Variants in TTC21A observed in about 807,000 individuals in gnomAD.
The protein encoded by TTC21A is tetratricopeptide repeat protein 21A.
Under a neutral mutation model 156.4 loss-of-function variants are expected in TTC21A, and 128 were observed. The ratio of observed to expected loss-of-function variants is 0.82; its 90% CI spans 0.71 to 0.95. The LOEUF is 0.95. TTC21A is among the 40% of genes least tolerant of loss of function. The pLI, the probability that TTC21A is intolerant of heterozygous loss-of-function variation, is 0.00. For synonymous variants in TTC21A, 587 were observed against 617.1 expected (o/e 0.95, Z 0.72); for missense variants, 1,435 against 1,602.3 (o/e 0.90, Z 1.78).
rs944478036 is a variant in TTC21A, at chr3:39,134,097, A to G, written c.2752-121A>G. On this transcript the variant is annotated intron_variant, in intron 20 of 28. Transcript: ENST00000683103. This position sits in a 1 kb window ranked among gnomAD's most constrained non-coding sequence, Gnocchi z 4.6. ...CCAGGACGTTCACGTGGGGAATTCG[A>G]GACATATTTTGAAGGCAGAGCTGAT... is the stretch of plus-strand genomic sequence containing the variant. 1.2e-5 allele frequency: 9 copies of G among 721,778 alleles called. No homozygotes were observed. In the African/African-American group the frequency reaches 1.4e-4, roughly 11 times the overall value. 44.7% of individuals were successfully genotyped at this position (721,778 alleles called of 1,614,324 possible).
rs979342846 is a variant in TTC21A at position 39,119,655 on chromosome 3, A to G, written c.802-267A>G. ...TCAAAAAAAAAAAAGAAAAAAAAGA[A>G]AAAAAAAAAACAAATTCAAGAACAG... On this transcript the variant is annotated intron_variant, in intron 7 of 28. Coordinates refer to ENST00000683103, the MANE Select transcript of TTC21A (RefSeq NM_001366900.1). The G allele has an allele frequency of 1.7e-4, 47 of 282,552 alleles. No homozygotes were observed. In the East Asian group the frequency reaches 1.9e-3, roughly 12 times the overall value. 17.5% of individuals were successfully genotyped at this position (282,552 alleles called of 1,614,324 possible).
Position 39,138,496 on chromosome 3 carries a change from A to G in TTC21A, c.3797-60A>G, listed in dbSNP as rs530133752. The stretch of plus-strand genomic sequence containing the variant: ...GGCCTGTACCCTGGCTGTTATGAGA[A>G]CCAGAGGGGTTCTCAGGTCACCAGG... On this transcript the variant is annotated intron_variant, in intron 27 of 28. Transcript: ENST00000683103. 3.8e-5 allele frequency: 61 copies of G among 1,613,644 alleles called. 1 individual carries two copies. Among genetic ancestry groups the G allele is most frequent in the Non-Finnish European group, 5.2e-5 (61 of 1,179,698 alleles).
In TTC21A at chr3:39,130,646, CG is replaced by C; in HGVS notation, c.2320-52del. 6.3e-7 allele frequency: 1 copy of C among 1,599,360 alleles called. No homozygotes were observed. Among genetic ancestry groups the C allele is most frequent in the East Asian group, 2.2e-5 (1 of 44,700 alleles). On this transcript the variant is annotated intron_variant, in intron 17 of 28. Coordinates refer to ENST00000683103, the MANE Select transcript of TTC21A (RefSeq NM_001366900.1). The surrounding 1 kb of genome is among the most constrained non-coding windows in gnomAD (Gnocchi z 4.5). ...ATGGCTGCTGAGGGGAACATGGTGT[CG>C]GGCACTGAAGGGCAGAACCAGGCCA...
chr3:39,109,968 A>C, intron 2 of TTC21A, 61 bp from the exon 3 acceptor site: 9 of 1,259,902 alleles, frequency 7.1e-6, no homozygotes, highest in Non-Finnish European at 1.0e-5. Context: ...GGTCAGCTAC[A>C]GAGTCTCATG....
At chr3:39,135,929 C>T (rs2125865708) in intron 22 of TTC21A, among the ~76,000 whole-genome samples, 1 of 152,026 alleles carries the variant, frequency 6.6e-6, no homozygotes, top group South Asian at 2.1e-4. Context: ...GTGGCGGGTG[C>T]CTGTAGTCCC....
At chr3:39,133,974 G>A (rs2038923611) in intron 20 of TTC21A, among the ~76,000 whole-genome samples, 1 of 152,236 alleles carries the variant, frequency 6.6e-6, no homozygotes, top group African/African-American at 2.4e-5. Context: ...GAGGCCAGAG[G>A]TGAAGCTGAA....
At position 39,107,851 on chromosome 3, in the gene TTC21A, AC is replaced by A; in HGVS notation, c.15del (p.Ser6ProfsTer36). The A allele has an allele frequency of 1.2e-6, 2 of 1,610,934 alleles. No homozygotes were observed. Among genetic ancestry groups the A allele is most frequent in the Non-Finnish European group, 1.7e-6 (2 of 1,179,390 alleles). ...GAGCGGCCCGAGATGAGCAGCAATG[AC>A]TCCTCCCTTATGGTGCGTGGCCCGG... MSSN[D>X]SSLMAGIIYY... On this transcript the variant is annotated frameshift_variant, in exon 1 of 29. Transcript: ENST00000683103. LOFTEE classifies it high-confidence loss of function.
Position 39,138,861 on chromosome 3 carries a change from C to T in TTC21A, c.*73C>T. 7.7e-7 allele frequency: 1 copy of T among 1,301,692 alleles called. No homozygotes were observed. Among genetic ancestry groups the T allele is most frequent in the Non-Finnish European group, 1.1e-6 (1 of 913,096 alleles). The allele number at this position is 1,301,692 out of a possible 1,614,324, so 80.6% of individuals were successfully genotyped here. A position where few individuals can be genotyped will look rare whatever the true frequency, so the allele number is the denominator to read the frequency against. ...TTGTGTGGAGGGATGGAAAGTGGGT[C>T]AGTGGAGAAGGGATTCAGAAAATGA... On this transcript the variant is annotated 3_prime_UTR_variant, in exon 29 of 29. Transcript: ENST00000683103.
At position 39,107,855 on chromosome 3, in the gene TTC21A, C is replaced by T; in HGVS notation, c.18C>T (p.Ser6=). ...GGCCCGAGATGAGCAGCAATGACTC[C>T]TCCCTTATGGTGCGTGGCCCGGGCG... MSSND[S]SLMAGIIYYS... The change falls in exon 1 of 29, where the codon TCC becomes TCT. Residue 6 remains serine, a synonymous_variant. Transcript: ENST00000683103. The T allele has an allele frequency of 2.5e-6, 4 of 1,613,104 alleles. No homozygotes were observed. Among genetic ancestry groups the T allele is most frequent in the Non-Finnish European group, 3.4e-6 (4 of 1,180,010 alleles).
intron 7 of TTC21A, chr3:39,118,592 CT>C (rs552237345): frequency 5.8e-5 from 10 of 171,504 alleles, no homozygotes; most frequent in East Asian, 1.5e-4. Context: ...CAGGAAATGC[CT>C]TTTTTTTAGG....
At chr3:39,132,833 T>G (rs931215869) in intron 19 of TTC21A, 2 of 594,158 alleles carry the variant, frequency 3.4e-6, no homozygotes, top group Non-Finnish European at 3.0e-6. Context: ...CGTGTTTTGT[T>G]TGAGTCCTTT....
chr3:39,124,642 G>A (rs1231104466), intron 9 of TTC21A, among the ~76,000 whole-genome samples: 2 of 45,684 alleles, frequency 4.4e-5, no homozygotes, highest in Admixed American at 4.4e-4. Flanking sequence ...CTGGGCAAAA[G>A]AGCGAAACTC....
chr3:39,114,880 G>C, intron 6 of TTC21A, 138 bp downstream of exon 6: 1 of 935,706 alleles, frequency 1.1e-6, no homozygotes, highest in South Asian at 1.6e-5. Context: ...GCCAAATTGG[G>C]ATGAGGAAGA....
chr3:39,112,012 A>G (rs1221539643), intron 4 of TTC21A, among the ~76,000 whole-genome samples: 1 of 152,146 alleles, frequency 6.6e-6, no homozygotes, highest in African/African-American at 2.4e-5. Flanking sequence ...TTGGCTTCCT[A>G]TGCAGGGCCA....
intron 4 of TTC21A, among the ~76,000 whole-genome samples, chr3:39,111,405 G>A (rs537930953): frequency 2.5e-4 from 38 of 152,284 alleles, no homozygotes; most frequent in African/African-American, 8.9e-4. Flanking sequence ...TAGAGACTGG[G>A]TCTTGCCATG....
Position 39,137,701 on chromosome 3 carries a change from A to C in TTC21A, c.3666A>C (p.Gln1222His). ...LALELLRRCV[Q>H]YNKSCYKAYE... ...TAGAACTGCTGCGGCGCTGTGTGCAATACAACAAGGCAAGGAGCCACACAC... is the reference window on the plus strand; with the variant it reads ...TAGAACTGCTGCGGCGCTGTGTGCACTACAACAAGGCAAGGAGCCACACAC... Residue 1222 changes from glutamine (Q) to histidine (H), a missense_variant, in exon 26 of 29, where the codon CAA (glutamine) becomes CAC (histidine). Physicochemically the swap from Gln to His is conservative, Grantham distance 24. Transcript: ENST00000683103. The C allele has an allele frequency of 6.2e-7, 1 of 1,612,158 alleles. No homozygotes were observed. Among genetic ancestry groups the C allele is most frequent in the Middle Eastern group, 1.7e-4 (1 of 6,056 alleles).
chr3:39,138,853 A>G lies in TTC21A; in HGVS notation c.*65A>G. The G allele has an allele frequency of 7.2e-7, 1 of 1,394,182 alleles. No individual in the cohort carries two copies. The highest frequency in any genetic ancestry group is 1.0e-6 in the Non-Finnish European group (1 of 990,874). The allele number at this position is 1,394,182 out of a possible 1,614,324, so 86.4% of individuals were successfully genotyped here. A position where few individuals can be genotyped will look rare whatever the true frequency, so the allele number is the denominator to read the frequency against. On this transcript the variant is annotated 3_prime_UTR_variant, in exon 29 of 29. Coordinates refer to ENST00000683103, the MANE Select transcript of TTC21A (RefSeq NM_001366900.1). ...TACTGAAGTTGTGTGGAGGGATGGAAAGTGGGTCAGTGGAGAAGGGATTCA... is the reference window on the plus strand; with the variant it reads ...TACTGAAGTTGTGTGGAGGGATGGAGAGTGGGTCAGTGGAGAAGGGATTCA...
At chr3:39,112,747 C>T in intron 5 of TTC21A, 167 bp downstream of exon 5, 1 of 534,458 alleles carries the variant, frequency 1.9e-6, no homozygotes, top group Non-Finnish European at 2.4e-6. Flanking sequence ...GGTTACACAG[C>T]AGTCCAAGGT....
At chr3:39,109,252 A>C (rs751577986) in intron 2 of TTC21A, 38 bp downstream of exon 2, 20 of 1,597,566 alleles carry the variant, frequency 1.3e-5, no homozygotes, top group East Asian at 4.5e-5. Flanking sequence ...GACCCCAGGC[A>C]CTAGCTGGGC....
Sources: gnomAD v4.1 joint callset for allele counts (sites outside exome capture counted in the v4.1 genomes callset) on GRCh38, gnomAD v4.1.1 for gene constraint, Gnocchi (gnomAD v3.1) non-coding constraint, MANE v1.5 for transcripts, NCBI Gene and HGNC (gene_info 2026-07-23, HGNC 2026-07-21) for gene names.